SLC4A4: variants seen among roughly 807,000 people sequenced by gnomAD.
SLC4A4 encodes electrogenic sodium bicarbonate cotransporter 1.
Under a neutral mutation model 111.5 loss-of-function variants are expected in SLC4A4, and 27 were observed. The ratio of observed to expected loss-of-function variants is 0.24; its 90% CI spans 0.18 to 0.33. The LOEUF is 0.33. SLC4A4 is among the 10% of genes least tolerant of loss of function. SLC4A4 has a pLI of 1.00. For missense variants in SLC4A4, 909 were observed against 1,315.5 expected, an observed-to-expected ratio of 0.69 and a Z score of 4.78; for synonymous variants, 443 against 463.4, an observed-to-expected ratio of 0.96 and a Z score of 0.57.
intron 2 of SLC4A4, among the ~76,000 whole-genome samples, chr4:71,095,987 G>C (rs985685807): frequency 4.6e-5 from 7 of 152,148 alleles, no homozygotes; most frequent in African/African-American, 1.7e-4. Context: ...CAATTGGAGG[G>C]TAAAGTGGAG....
intron 3 of SLC4A4, among the ~76,000 whole-genome samples, chr4:71,261,746 T>A (rs958119055): frequency 1.3e-5 from 2 of 152,216 alleles, no homozygotes; most frequent in Non-Finnish European, 2.9e-5. Context: ...TTGTTGCCAC[T>A]GGCTATTCTA....
chr4:71,149,571 G>A (rs550486426), intron 2 of SLC4A4, among the ~76,000 whole-genome samples: 1 of 152,232 alleles, frequency 6.6e-6, no homozygotes, highest in South Asian at 2.1e-4. Flanking sequence ...AGTCCTCTTA[G>A]GTAAGGAGGC....
intron 16 of SLC4A4, among the ~76,000 whole-genome samples, chr4:71,522,298 C>T (rs145569270): frequency 1.8e-4 from 28 of 152,320 alleles, no homozygotes; most frequent in Non-Finnish European, 3.8e-4. Context: ...CTGTGATTTT[C>T]TGTGGCAGGT....
chr4:71,547,610 A>G (rs762930750), intron 19 of SLC4A4, 38 bp from the exon 20 acceptor site: 1 of 1,524,508 alleles, frequency 6.6e-7, no homozygotes, highest in African/African-American at 1.4e-5. Flanking sequence ...GTTTATGAAG[A>G]CAAGAGGTAG....
intron 6 of SLC4A4, among the ~76,000 whole-genome samples, chr4:71,375,939 A>G (rs996853556): frequency 6.6e-6 from 1 of 151,766 alleles, no homozygotes; most frequent in African/African-American, 2.4e-5. Flanking sequence ...CTGATTCTCA[A>G]AGTAGGAACT....
At chr4:71,322,254 CT>C (rs1291189047) in intron 3 of SLC4A4, among the ~76,000 whole-genome samples, 1 of 151,990 alleles carries the variant, frequency 6.6e-6, no homozygotes, top group African/African-American at 2.4e-5. Flanking sequence ...CTCAGTATTG[CT>C]ATCCAGGTAA....
At chr4:71,454,659 G>C (rs1029830626) in intron 12 of SLC4A4, among the ~76,000 whole-genome samples, 2 of 151,960 alleles carry the variant, frequency 1.3e-5, no homozygotes, top group Non-Finnish European at 2.9e-5. Flanking sequence ...AAATACTATG[G>C]AGATTATAAC....
chr4:71,099,510 C>T (rs917763150), intron 2 of SLC4A4, among the ~76,000 whole-genome samples: 1 of 152,064 alleles, frequency 6.6e-6, no homozygotes, highest in African/African-American at 2.4e-5. Flanking sequence ...AAATTAGCAA[C>T]CTAACATCAC....
intron 8 of SLC4A4, among the ~76,000 whole-genome samples, chr4:71,443,116 C>CTCTCTCTATATATATA (rs1198759861): frequency 1.1e-4 from 7 of 65,654 alleles, no homozygotes; most frequent in East Asian, 5.5e-4. Context: ...CTCTCTCTCT[C>CTCTCTCTATATATATA]TATATATATA....
intron 1 of SLC4A4, among the ~76,000 whole-genome samples, chr4:71,065,287 A>G (rs1741487869): frequency 6.6e-6 from 1 of 152,022 alleles, no homozygotes; most frequent in South Asian, 2.1e-4. Context: ...TATTTTTCTG[A>G]TTGTACTGTT....
intron 2 of SLC4A4, among the ~76,000 whole-genome samples, chr4:71,164,476 T>C (rs763385018): frequency 2.6e-5 from 4 of 151,846 alleles, no homozygotes; most frequent in Middle Eastern, 3.4e-3. Context: ...AATTTCTATA[T>C]AGCAGCTGGA....
chr4:71,522,227 CAG>C (rs776138288), intron 16 of SLC4A4, among the ~76,000 whole-genome samples: 7 of 152,120 alleles, frequency 4.6e-5, no homozygotes, highest in Non-Finnish European at 5.9e-5. Flanking sequence ...AGTCTTTAGT[CAG>C]AGTCTTTAGT....
intron 3 of SLC4A4, among the ~76,000 whole-genome samples, chr4:71,337,673 A>C (rs964774031): frequency 1.3e-5 from 2 of 152,192 alleles, no homozygotes; most frequent in Non-Finnish European, 2.9e-5. Flanking sequence ...GTCCCACCAG[A>C]AATTTTCATG....
intron 16 of SLC4A4, among the ~76,000 whole-genome samples, chr4:71,522,776 C>A (rs141389095): frequency 6.6e-6 from 1 of 152,152 alleles, no homozygotes; most frequent in Non-Finnish European, 1.5e-5. Flanking sequence ...TAAACAAAAT[C>A]ACTAAATTCC....
intron 2 of SLC4A4, among the ~76,000 whole-genome samples, chr4:71,121,831 C>T (rs1743437795): frequency 6.6e-6 from 1 of 152,168 alleles, no homozygotes; most frequent in Non-Finnish European, 1.5e-5. Context: ...CGCTGCTGCT[C>T]ACTCTTTGGG....
chr4:71,459,515 T>G (rs1386945426), intron 12 of SLC4A4, among the ~76,000 whole-genome samples: 3 of 152,074 alleles, frequency 2.0e-5, no homozygotes, highest in African/African-American at 4.8e-5. Context: ...CACTTCAGTA[T>G]GAATATTTAA....
rs115003023 is a variant in SLC4A4 at position 71,300,745 on chromosome 4, C to T, written c.254-38625C>T. 5.8e-3 allele frequency: 2,162 copies of T among 371,280 alleles called. 30 individuals carry two copies. The highest frequency in any genetic ancestry group is 0.029 in the African/African-American group (1,377 of 47,044). The allele number at this position is 371,280 out of a possible 1,614,324, so 23.0% of individuals were successfully genotyped here. A position where few individuals can be genotyped will look rare whatever the true frequency, so the allele number is the denominator to read the frequency against. ...TGGAGGGGGCCTGGGAAGGGTGTTT[C>T]GAAGGTCTTACAGGCCATCTGGTGG... On this transcript the variant is annotated intron_variant, in intron 3 of 25. Transcript: ENST00000264485.
In SLC4A4 at chr4:71,450,385, T is replaced by A. The variant is rs1281784417; in HGVS notation, c.1054-4T>A. Reference sequence around the variant, plus strand: ...GGATGAGCACATCTTTTATTATTCTTTAGGTGTTCCATGACATTGCTTATA... The same window carrying A: ...GGATGAGCACATCTTTTATTATTCTATAGGTGTTCCATGACATTGCTTATA... On this transcript the variant is annotated splice_region_variant and splice_polypyrimidine_tract_variant and intron_variant, in intron 9 of 25. Coordinates refer to ENST00000264485, the MANE Select transcript of SLC4A4 (RefSeq NM_001098484.3). The A allele has an allele frequency of 1.2e-6, 2 of 1,603,112 alleles. No individual in the cohort carries two copies. Among genetic ancestry groups the A allele is most frequent in the African/African-American group, 2.7e-5 (2 of 74,682 alleles).
At position 71,142,946 on chromosome 4, in the gene SLC4A4, T is replaced by TTTA. The variant is rs199649590; in HGVS notation, c.-2+50171_-2+50173dup. On this transcript the variant is annotated intron_variant, in intron 2 of 26. Coordinates refer to the SLC4A4 transcript ENST00000649996. ...CCTGGTTTTTCCATTTTCTTTCCTT[T>TTTA]TTATTATTATTATTATTATACTTTA... is the stretch of plus-strand genomic sequence containing the variant. Among the ~76,000 whole-genome samples, 1,263 of 151,380 alleles carry TTTA rather than the reference T, an allele frequency of 8.3e-3. 10 individuals are homozygous for TTTA. Among genetic ancestry groups the TTTA allele is most frequent in the Middle Eastern group, 0.02 (6 of 294 alleles).
Sources: gnomAD v4.1 joint callset for allele counts (sites outside exome capture counted in the v4.1 genomes callset) on GRCh38, gnomAD v4.1.1 for gene constraint, MANE v1.5 for transcripts, NCBI Gene and HGNC (gene_info 2026-07-23, HGNC 2026-07-21) for gene names.